ARL13B: variants seen among roughly 807,000 people sequenced by gnomAD.
The protein encoded by ARL13B is ADP-ribosylation factor-like protein 13B.
A neutral mutation model predicts 56.1 loss-of-function variants in ARL13B; 36 were observed. The observed-to-expected ratio is 0.64, with a 90% CI of 0.49 to 0.85. ARL13B has a LOEUF of 0.85. ARL13B is among the 40% of genes least tolerant of loss of function. ARL13B has a pLI of 0.00. For missense variants in ARL13B, 519 were observed against 507.1 expected, an observed-to-expected ratio of 1.02 and a Z score of -0.23; for synonymous variants, 178 against 171.1, an observed-to-expected ratio of 1.04 and a Z score of -0.32.
At chr3:94,002,939 T>C (rs34309901) in intron 2 of ARL13B, among the ~76,000 whole-genome samples, 52,086 of 152,012 alleles carry the variant, frequency 0.34, 10,969 homozygotes, top group East Asian at 0.55. Context: ...GCCTAAATTC[T>C]ATCTCTCCAA....
At chr3:93,985,245 G>A (rs1710400012) in intron 1 of ARL13B, among the ~76,000 whole-genome samples, 1 of 152,138 alleles carries the variant, frequency 6.6e-6, no homozygotes. Context: ...CAAGGTCTGT[G>A]AAGCTATGAT....
Position 93,980,465 on chromosome 3 carries a change from G to A in ARL13B, c.42G>A (p.Arg14=). 3.7e-6 allele frequency: 6 copies of A among 1,611,962 alleles called. No individual in the cohort carries two copies. The highest frequency in any genetic ancestry group is 1.1e-5 in the South Asian group (1 of 91,090). The part of the protein sequence containing the change: ...LMASCCGWFK[R]WREPVRKVTL... ...CCAGTTGCTGCGGCTGGTTCAAGCGGTGGCGGGAGCCTGTCAGGTAGGCTG... is the reference window on the plus strand; with the variant it reads ...CCAGTTGCTGCGGCTGGTTCAAGCGATGGCGGGAGCCTGTCAGGTAGGCTG... Residue 14 remains arginine (R), a synonymous_variant, in exon 1 of 10, where the codon CGG becomes CGA. Transcript: ENST00000394222.
At chr3:94,042,137 A>T (rs1255093735) in intron 6 of ARL13B, among the ~76,000 whole-genome samples, 1 of 152,230 alleles carries the variant, frequency 6.6e-6, no homozygotes, top group African/African-American at 2.4e-5. Flanking sequence ...AAATGAAAAT[A>T]ACACTAAGTT....
At chr3:93,985,836 T>G (rs1710436383) in intron 1 of ARL13B, among the ~76,000 whole-genome samples, 1 of 152,200 alleles carries the variant, frequency 6.6e-6, no homozygotes, top group Non-Finnish European at 1.5e-5. Flanking sequence ...TATCAAAGCT[T>G]TACTTCAAAT....
chr3:93,996,007 G>C, intron 2 of ARL13B, 63 bp downstream of exon 2: 2 of 1,500,976 alleles, frequency 1.3e-6, no homozygotes, highest in Non-Finnish European at 9.2e-7. Context: ...TATTTATTTT[G>C]TTAAGTTGCT....
intron 3 of ARL13B, among the ~76,000 whole-genome samples, chr3:94,005,135 A>T (rs1228351098): frequency 3.3e-5 from 5 of 152,196 alleles, no homozygotes; most frequent in Non-Finnish European, 7.4e-5. Context: ...CCAAGCATAG[A>T]ATCTTTTCTA....
At chr3:93,987,469 A>T (rs138585273) in intron 1 of ARL13B, among the ~76,000 whole-genome samples, 1 of 152,280 alleles carries the variant, frequency 6.6e-6, no homozygotes, top group African/African-American at 2.4e-5. Context: ...AGCTAAAGTG[A>T]TGTAAAACAG....
At position 94,038,748 on chromosome 3, in the gene ARL13B, C is replaced by T. The variant is rs551697435; in HGVS notation, c.690-1132C>T. ...ATGTTGATTAGGCTGGTCTCAAACTCCTGACCTCGTGATCCACCCGCCTCG... is the reference window on the plus strand; with the variant it reads ...ATGTTGATTAGGCTGGTCTCAAACTTCTGACCTCGTGATCCACCCGCCTCG... On this transcript the variant is annotated intron_variant, in intron 5 of 9. Coordinates refer to ENST00000394222, the MANE Select transcript of ARL13B (RefSeq NM_001174150.2). 2.0e-5 allele frequency among the ~76,000 whole-genome samples: 3 copies of T among 152,052 alleles called. No individual in the cohort carries two copies. The East Asian group carries it at 5.8e-4, about 30-fold the overall frequency.
rs2107111571 is a variant in ARL13B, at chr3:94,035,379, C to T, written c.429C>T (p.Val143=). 1 of 1,607,760 alleles carries T rather than the reference C, an allele frequency of 6.2e-7. No individual in the cohort carries two copies. Among genetic ancestry groups the T allele is most frequent in the Non-Finnish European group, 8.5e-7 (1 of 1,178,440 alleles). Residue 143 remains valine, a synonymous_variant, in exon 4 of 10, where the codon GTC becomes GTT. Transcript: ENST00000394222. ...DKEGALGEAD[V]IECLSLEKLV... ...AAGGAGCTTTAGGAGAAGCTGATGT[C>T]ATTGAATGTCTATCTCTGGAAAAAT... is the stretch of plus-strand genomic sequence containing the variant.
rs1269299260 is a variant in ARL13B, at chr3:93,980,170, G to T, written c.-254G>T. 3 of 650,588 alleles carry T rather than the reference G, an allele frequency of 4.6e-6. No homozygotes were observed. Among genetic ancestry groups the T allele is most frequent in the East Asian group, 2.8e-5 (1 of 35,522 alleles). 40.3% of individuals were successfully genotyped at this position (650,588 alleles called of 1,614,324 possible). A position where few individuals can be genotyped will look rare whatever the true frequency, so the allele number is the denominator to read the frequency against. On this transcript the variant is annotated 5_prime_UTR_variant, in exon 1 of 10. Transcript: ENST00000394222. ...TCGACGCGGGGCTTTTCTTTAGCCG[G>T]GTCCCGCTAACTCGGCTACGGTGTA... is the stretch of plus-strand genomic sequence containing the variant.
At chr3:94,034,782 T>C (rs1000615972) in intron 3 of ARL13B, among the ~76,000 whole-genome samples, 18 of 152,226 alleles carry the variant, frequency 1.2e-4, no homozygotes, top group African/African-American at 3.9e-4. Context: ...TATTGATCTC[T>C]TGTTTATGTT....
At chr3:94,026,021 C>CT (rs548770030) in intron 3 of ARL13B, among the ~76,000 whole-genome samples, 7,951 of 140,216 alleles carry the variant, frequency 0.057, 309 homozygotes, top group Admixed American at 0.1. Flanking sequence ...GAAAACTTCT[C>CT]TTTTTTTTTT....
intron 3 of ARL13B, among the ~76,000 whole-genome samples, chr3:94,030,794 T>C (rs950393231): frequency 2.4e-4 from 36 of 152,330 alleles, no homozygotes; most frequent in African/African-American, 8.4e-4. Context: ...CATATTGATA[T>C]TATTATGTTA....
chr3:94,050,163 CG>C (rs1463883258), intron 8 of ARL13B, among the ~76,000 whole-genome samples: 1 of 116,310 alleles, frequency 8.6e-6, no homozygotes, highest in Admixed American at 9.6e-5. Context: ...GACTCCATCT[CG>C]GGAAAAAAAA....
intron 7 of ARL13B, among the ~76,000 whole-genome samples, chr3:94,044,974 A>G (rs1270850750): frequency 6.6e-6 from 1 of 152,248 alleles, no homozygotes; most frequent in African/African-American, 2.4e-5. Context: ...AGAACGGGCC[A>G]TGATGACGAT....
Sources: gnomAD v4.1 joint callset for allele counts (sites outside exome capture counted in the v4.1 genomes callset) on GRCh38, gnomAD v4.1.1 for gene constraint, MANE v1.5 for transcripts, NCBI Gene and HGNC (gene_info 2026-07-23, HGNC 2026-07-21) for gene names.